B4GALT5: variants seen among roughly 807,000 people sequenced by gnomAD.
B4GALT5 encodes UDP-Gal:beta-GlcNAc beta-1,4-galactosyltransferase 5.
In B4GALT5, 11 loss-of-function variants were observed where a neutral mutation model predicts 45.0. The ratio of observed to expected loss-of-function variants is 0.24; its 90% CI spans 0.15 to 0.40. The LOEUF (loss-of-function observed/expected upper bound fraction) is 0.40. Among genes scored for constraint, B4GALT5 ranks in the 10% least tolerant of loss-of-function variants. B4GALT5 has a pLI of 1.00. For synonymous variants in B4GALT5, 185 were observed against 182.9 expected, an observed-to-expected ratio of 1.01 and a Z score of -0.09; for missense variants, 337 against 500.2, an observed-to-expected ratio of 0.67 and a Z score of 3.11.
intron 1 of B4GALT5, among the ~76,000 whole-genome samples, chr20:49,703,393 A>G (rs2085870895): frequency 6.6e-6 from 1 of 152,120 alleles, no homozygotes; most frequent in African/African-American, 2.4e-5. Context: ...CAGTCCAACG[A>G]CCAAGAGGCT....
rs530666425 is a variant in B4GALT5 at position 49,708,918 on chromosome 20, C to A, written c.115+4658G>T. On this transcript the variant is annotated intron_variant, in intron 1 of 8. Coordinates refer to ENST00000371711, the MANE Select transcript of B4GALT5 (RefSeq NM_004776.4). Reference sequence around the variant, plus strand: ...CTGCACTCTAGCCTGGGCAACAGAGCGAGACTCCATCTCAAAAAAAAAAAA... The same window carrying A: ...CTGCACTCTAGCCTGGGCAACAGAGAGAGACTCCATCTCAAAAAAAAAAAA... 4.6e-5 allele frequency among the ~76,000 whole-genome samples: 6 copies of A among 129,766 alleles called. No homozygotes were observed. The East Asian group carries it at 1.3e-3, about 28-fold the overall frequency. The allele number at this position is 129,766 out of a possible 152,430, so 85.1% of individuals were successfully genotyped here.
intron 1 of B4GALT5, among the ~76,000 whole-genome samples, chr20:49,669,422 C>T (rs1374087699): frequency 3.9e-5 from 6 of 152,188 alleles, no homozygotes; most frequent in African/African-American, 1.2e-4. Context: ...ATAGGCTGGG[C>T]GTGGTTGCTC....
At chr20:49,647,460 C>G (rs1157752407) in intron 2 of B4GALT5, among the ~76,000 whole-genome samples, 1 of 152,204 alleles carries the variant, frequency 6.6e-6, no homozygotes, top group East Asian at 1.9e-4. Flanking sequence ...CTGTCAGCCT[C>G]TACGGCTGGT....
In B4GALT5 at chr20:49,713,586, C is replaced by T. The variant is rs1197678574; in HGVS notation, c.105G>A (p.Ala35=). The change falls in exon 1 of 9, where the codon GCG becomes GCA. Residue 35 remains alanine (A), a synonymous_variant. Coordinates refer to ENST00000371711, the MANE Select transcript of B4GALT5 (RefSeq NM_004776.4). ...SSSLLYFVYV[A]PGIVNTYLFM... ...AAGCCCCCTTCCTACCTATGCCGGG[C>T]GCCACATAGACGAAGTACAGCAGCG... is the stretch of plus-strand genomic sequence containing the variant. 1 of 1,584,256 alleles carries T rather than the reference C, an allele frequency of 6.3e-7. No individual in the cohort carries two copies. Among genetic ancestry groups the T allele is most frequent in the Non-Finnish European group, 8.6e-7 (1 of 1,166,538 alleles).
At chr20:49,682,097 A>G (rs2085766500) in intron 1 of B4GALT5, among the ~76,000 whole-genome samples, 1 of 152,186 alleles carries the variant, frequency 6.6e-6, no homozygotes, top group Admixed American at 6.5e-5. Context: ...CCCTGTCTCA[A>G]AAATAAATAA....
chr20:49,694,207 T>G (rs776946639), intron 1 of B4GALT5, among the ~76,000 whole-genome samples: 2 of 152,162 alleles, frequency 1.3e-5, no homozygotes, highest in African/African-American at 2.4e-5. Flanking sequence ...CCTTTCTGTA[T>G]AGAGAGGCGA....
intron 1 of B4GALT5, among the ~76,000 whole-genome samples, chr20:49,665,439 A>G (rs1270712037): frequency 1.1e-5 from 1 of 91,190 alleles, no homozygotes; most frequent in Non-Finnish European, 2.3e-5. Context: ...GGGGGGTAGT[A>G]GTAATAATAA....
chr20:49,700,267 TACA>T (rs202192878), intron 1 of B4GALT5, among the ~76,000 whole-genome samples: 69 of 152,290 alleles, frequency 4.5e-4, no homozygotes, highest in Non-Finnish European at 8.4e-4. Flanking sequence ...CAATTTGGTT[TACA>T]ACAACAACAA....
At chr20:49,696,298 GAA>G (rs1055471682) in intron 1 of B4GALT5, among the ~76,000 whole-genome samples, 3 of 152,032 alleles carry the variant, frequency 2.0e-5, no homozygotes, top group Non-Finnish European at 4.4e-5. Flanking sequence ...ATCAAAGAAA[GAA>G]AAAAACTAAT....
chr20:49,643,411 G>T, intron 4 of B4GALT5, 115 bp downstream of exon 4: 2 of 1,352,948 alleles, frequency 1.5e-6, no homozygotes, highest in Non-Finnish European at 2.0e-6. Flanking sequence ...CATTTGCATG[G>T]AATGGTAGGA....
chr20:49,683,863 A>G (rs2085774359), intron 1 of B4GALT5, among the ~76,000 whole-genome samples: 2 of 152,010 alleles, frequency 1.3e-5, no homozygotes. Flanking sequence ...GACTGCAGCC[A>G]GGCACGGTGG....
intron 3 of B4GALT5, among the ~76,000 whole-genome samples, chr20:49,646,582 G>C (rs958200590): frequency 2.6e-5 from 4 of 152,142 alleles, no homozygotes; most frequent in Non-Finnish European, 4.4e-5. Context: ...ACACCATCTA[G>C]ATTTGTGGAA....
At chr20:49,651,750 G>A (rs2123011501) in intron 2 of B4GALT5, among the ~76,000 whole-genome samples, 1 of 152,276 alleles carries the variant, frequency 6.6e-6, no homozygotes, top group Non-Finnish European at 1.5e-5. Flanking sequence ...AGCAGCCTTG[G>A]TTGCACATTG....
chr20:49,701,203 C>A (rs1345501492), intron 1 of B4GALT5, among the ~76,000 whole-genome samples: 1 of 152,140 alleles, frequency 6.6e-6, no homozygotes, highest in Non-Finnish European at 1.5e-5. Flanking sequence ...CAGGCAAATG[C>A]AAAGATGAGT....
At chr20:49,659,482 T>G (rs2085656641) in intron 1 of B4GALT5, among the ~76,000 whole-genome samples, 1 of 152,244 alleles carries the variant, frequency 6.6e-6, no homozygotes, top group Non-Finnish European at 1.5e-5. Flanking sequence ...CACTAACAAC[T>G]GTCTCGTGTT....
chr20:49,648,346 T>C (rs1406686782), intron 2 of B4GALT5, among the ~76,000 whole-genome samples: 1 of 152,192 alleles, frequency 6.6e-6, no homozygotes, highest in Non-Finnish European at 1.5e-5. Flanking sequence ...GAGGAGCCTC[T>C]GTTTTGCCAT....
chr20:49,695,131 C>G (rs1188644258), intron 1 of B4GALT5, among the ~76,000 whole-genome samples: 1 of 148,400 alleles, frequency 6.7e-6, no homozygotes, highest in Non-Finnish European at 1.5e-5. Flanking sequence ...GTAACTAATG[C>G]AGTTTTTGCA....
intron 7 of B4GALT5, among the ~76,000 whole-genome samples, chr20:49,638,474 A>G (rs1328002619): frequency 1.3e-5 from 2 of 152,206 alleles, no homozygotes; most frequent in Admixed American, 6.5e-5. Context: ...ATATTACTTT[A>G]TTCCACTCAC....
At chr20:49,643,107 T>TGTA (rs1228695120) in intron 4 of B4GALT5, among the ~76,000 whole-genome samples, 1 of 152,228 alleles carries the variant, frequency 6.6e-6, no homozygotes, top group Non-Finnish European at 1.5e-5. Flanking sequence ...AAACTACTGA[T>TGTA]GTCTTCTGAC....
Sources: allele counts gnomAD v4.1 joint callset (sites outside exome capture counted in the v4.1 genomes callset), GRCh38; gene constraint gnomAD v4.1.1; transcripts MANE v1.5; gene names NCBI Gene and HGNC (gene_info 2026-07-23, HGNC 2026-07-21).